PCDH15: variants seen among roughly 807,000 people sequenced by gnomAD.
PCDH15 encodes the protein protocadherin-15.
PCDH15 carries 129 observed loss-of-function variants against 178.5 expected under a neutral mutation model. That is an observed-to-expected ratio of 0.72 (90% CI 0.63 to 0.84). The LOEUF (loss-of-function observed/expected upper bound fraction) is 0.84, where lower values mean the gene tolerates loss of function less well. Ranked by LOEUF, PCDH15 falls within the 40% of genes least tolerant of loss-of-function variation. PCDH15 has a pLI of 0.00. For synonymous variants in PCDH15, 800 were observed against 732.0 expected, an observed-to-expected ratio of 1.09 and a Z score of -1.50; for missense variants, 2,230 against 2,099.9, an observed-to-expected ratio of 1.06 and a Z score of -1.21.
At chr10:53,903,784 T>C (rs2133675462) in intron 25 of PCDH15, among the ~76,000 whole-genome samples, 1 of 152,308 alleles carries the variant, frequency 6.6e-6, no homozygotes, top group Admixed American at 6.5e-5. Flanking sequence ...TATATATTTA[T>C]TCTTAAGTAT....
chr10:55,397,929 C>T (rs929597362), intron 2 of PCDH15, among the ~76,000 whole-genome samples: 2 of 151,988 alleles, frequency 1.3e-5, no homozygotes, highest in South Asian at 2.1e-4. Context: ...TAGTGACTGA[C>T]GTGAGGATGA....
chr10:54,489,119 A>G (rs183606585), intron 3 of PCDH15, among the ~76,000 whole-genome samples: 4 of 152,174 alleles, frequency 2.6e-5, no homozygotes, highest in East Asian at 3.9e-4. Context: ...GGATCAATCA[A>G]TTCTGAAGGA....
At chr10:54,192,133 AG>A (rs2049083204) in intron 11 of PCDH15, among the ~76,000 whole-genome samples, 3 of 99,208 alleles carry the variant, frequency 3.0e-5, no homozygotes, top group African/African-American at 1.7e-4. Flanking sequence ...AGAAAGAAAG[AG>A]AAAGAGAAAG....
At chr10:55,069,344 G>A (rs892638347) in intron 2 of PCDH15, among the ~76,000 whole-genome samples, 14 of 140,738 alleles carry the variant, frequency 9.9e-5, no homozygotes, top group Admixed American at 3.0e-4. Flanking sequence ...ACTTACATAT[G>A]TATACATGTG....
chr10:54,249,587 C>G lies in PCDH15; in HGVS notation c.877-12656G>C, dbSNP rs1252658857. ...ATAGAAATCAACACTTTGTCACCAG[C>G]CTTAAACATATTTTCAGTTTGTTGT... is the stretch of plus-strand genomic sequence containing the variant. On this transcript the variant is annotated intron_variant, in intron 8 of 37. Transcript: ENST00000644397. 2.0e-5 allele frequency among the ~76,000 whole-genome samples: 3 copies of G among 152,214 alleles called. No homozygotes were observed. In the East Asian group the frequency reaches 5.8e-4, roughly 29 times the overall value.
At chr10:54,709,175 G>T (rs2132330742) in intron 1 of PCDH15, among the ~76,000 whole-genome samples, 1 of 152,170 alleles carries the variant, frequency 6.6e-6, no homozygotes, top group South Asian at 2.1e-4. Context: ...CCTCTGATAA[G>T]AAATCAGTTG....
At chr10:55,508,756 C>T (rs1840815609) in intron 2 of PCDH15, among the ~76,000 whole-genome samples, 1 of 151,518 alleles carries the variant, frequency 6.6e-6, no homozygotes, top group South Asian at 2.1e-4. Context: ...AGGTACTGCA[C>T]TATACTGTAT....
At position 54,346,202 on chromosome 10, in the gene PCDH15, G is replaced by C. The variant is rs181454334; in HGVS notation, c.594+163C>G. On this transcript the variant is annotated intron_variant, in intron 6 of 37. Coordinates refer to ENST00000644397, the MANE Select transcript of PCDH15 (RefSeq NM_001384140.1). ...TCAAAAATTAGCTTCTAGCAATAAA[G>C]CATAAATATTACAAATAATTCAATT... 7.2e-5 allele frequency among the ~76,000 whole-genome samples: 11 copies of C among 152,104 alleles called. No homozygotes were observed. In the East Asian group the frequency reaches 2.1e-3, roughly 29 times the overall value.
chr10:54,685,094 G>A (rs561315271), intron 1 of PCDH15, among the ~76,000 whole-genome samples: 1 of 151,572 alleles, frequency 6.6e-6, no homozygotes, highest in East Asian at 1.9e-4. Context: ...ATACACATTA[G>A]CCTAGGCCTA....
At chr10:55,366,175 G>C (rs535847315) in intron 2 of PCDH15, 9 of 152,230 alleles carry the variant, frequency 5.9e-5, no homozygotes, top group Non-Finnish European at 1.2e-4. Flanking sequence ...GTTGAAATTA[G>C]TGACAATAGT....
rs192549520 is a variant in PCDH15 at position 55,523,328 on chromosome 10, C to T, written c.-156+104297G>A. On this transcript the variant is annotated intron_variant, in intron 2 of 5. Coordinates refer to the PCDH15 transcript ENST00000613346. ...TTTTTCTATTTGTTCATCTAAGTAG[C>T]AATTTTCTTTTTTAAAGTCTTTAAA... 3.6e-4 allele frequency among the ~76,000 whole-genome samples: 55 copies of T among 151,420 alleles called. No homozygotes were observed. The East Asian group carries it at 6.0e-3, about 17-fold the overall frequency.
intron 15 of PCDH15, among the ~76,000 whole-genome samples, chr10:54,093,673 A>C (rs2136086154): frequency 6.6e-6 from 1 of 152,286 alleles, no homozygotes; most frequent in South Asian, 2.1e-4. Context: ...ATGTGTCAGA[A>C]ACTATATTAA....
chr10:54,368,074 A>G (rs1480229605), intron 5 of PCDH15, among the ~76,000 whole-genome samples: 1 of 151,986 alleles, frequency 6.6e-6, no homozygotes, highest in East Asian at 1.9e-4. Flanking sequence ...GCATTTATCG[A>G]CCAGTAATTC....
chr10:55,140,306 T>C (rs1250937066), intron 2 of PCDH15, among the ~76,000 whole-genome samples: 1 of 151,960 alleles, frequency 6.6e-6, no homozygotes, highest in African/African-American at 2.4e-5. Flanking sequence ...TTATGTTCAA[T>C]CTTAAGATGA....
At chr10:54,348,734 G>C (rs1430965132) in intron 5 of PCDH15, among the ~76,000 whole-genome samples, 1 of 152,082 alleles carries the variant, frequency 6.6e-6, no homozygotes, top group Non-Finnish European at 1.5e-5. Flanking sequence ...AAAATAGATA[G>C]TTATTAACTA....
intron 8 of PCDH15, among the ~76,000 whole-genome samples, chr10:54,298,723 G>C (rs1396617710): frequency 6.6e-6 from 1 of 152,168 alleles, no homozygotes; most frequent in Non-Finnish European, 1.5e-5. Flanking sequence ...CCCCAGGTAC[G>C]TTTAACTATT....
chr10:54,132,162 G>A (rs1323879859), intron 15 of PCDH15, among the ~76,000 whole-genome samples: 4 of 152,050 alleles, frequency 2.6e-5, no homozygotes, highest in Admixed American at 2.6e-4. Context: ...TCTTATGATT[G>A]GCATAGCAAA....
At chr10:55,017,687 A>G (rs73251907) in intron 2 of PCDH15, among the ~76,000 whole-genome samples, 2,830 of 152,196 alleles carry the variant, frequency 0.019, 88 homozygotes, top group African/African-American at 0.063. Flanking sequence ...TAAGTATTCA[A>G]TAAATTATTA....
chr10:54,530,184 C>T lies in PCDH15; in HGVS notation c.92-2307G>A, dbSNP rs557811765. On this transcript the variant is annotated intron_variant, in intron 2 of 37. Coordinates refer to ENST00000644397, the MANE Select transcript of PCDH15 (RefSeq NM_001384140.1). Reference sequence around the variant, plus strand: ...CATATTCCAGCCCTTCCTCACTCTCCGCCTTTCCCATTCTCAAAGTTAATT... The same window carrying T: ...CATATTCCAGCCCTTCCTCACTCTCTGCCTTTCCCATTCTCAAAGTTAATT... Among the ~76,000 whole-genome samples, 30 of 152,184 alleles carry T rather than the reference C, an allele frequency of 2.0e-4. No homozygotes were observed. In the South Asian group the frequency reaches 3.3e-3, roughly 17 times the overall value.
Sources: allele counts gnomAD v4.1 joint callset (sites outside exome capture counted in the v4.1 genomes callset), GRCh38; gene constraint gnomAD v4.1.1; transcripts MANE v1.5; gene names NCBI Gene and HGNC (gene_info 2026-07-23, HGNC 2026-07-21).